Variants in FETUB observed in about 807,000 individuals in gnomAD.
The protein encoded by FETUB is fetuin-B.
A neutral mutation model predicts 30.9 loss-of-function variants in FETUB; 28 were observed. The observed-to-expected ratio is 0.90, with a 90% CI of 0.67 to 1.24. The LOEUF (loss-of-function observed/expected upper bound fraction) is 1.24. Among genes scored for constraint, FETUB ranks in the 50% most tolerant of loss-of-function variants. The probability of loss-of-function intolerance (pLI) is 0.00; values close to 1 mark genes in which losing one functional copy is unlikely to be tolerated. For missense variants in FETUB, 469 were observed against 455.3 expected (o/e 1.03, Z -0.27); for synonymous variants, 186 against 175.9 (o/e 1.06, Z -0.45).
At chr3:186,644,402 G>A (rs11711027) in intron 3 of FETUB, among the ~76,000 whole-genome samples, 11,975 of 152,176 alleles carry the variant, frequency 0.079, 708 homozygotes, top group African/African-American at 0.16. Flanking sequence ...AAGATATTGC[G>A]GTAATGAAAT....
At position 186,640,434 on chromosome 3, in the gene FETUB, C is replaced by T. The variant is rs753243067; in HGVS notation, c.-27C>T. The stretch of plus-strand genomic sequence containing the variant: ...CAGTCCCTGCAGCTCCACAAACTGA[C>T]CCATCCTGGGCCTTGTTCTCCACAG... On this transcript the variant is annotated 5_prime_UTR_variant, in exon 1 of 7. Coordinates refer to ENST00000265029, the MANE Select transcript of FETUB (RefSeq NM_014375.3). 1.5e-5 allele frequency: 23 copies of T among 1,579,776 alleles called. No individual in the cohort carries two copies. The highest frequency in any genetic ancestry group is 1.9e-5 in the Non-Finnish European group (22 of 1,149,228).
chr3:186,652,194 T>C (rs753873366), intron 6 of FETUB, 69 bp from the exon 7 acceptor site: 12 of 1,496,886 alleles, frequency 8.0e-6, no homozygotes, highest in Admixed American at 2.3e-5. Flanking sequence ...ACAGATCAGC[T>C]TAGGCTGGTA....
rs1342035611 is a variant in FETUB at position 186,642,531 on chromosome 3, G to A, written c.397G>A (p.Ala133Thr). The change falls in exon 3 of 7, where the codon GCT (alanine) becomes ACT (threonine). Residue 133 changes from alanine to threonine, a missense_variant. Transcript: ENST00000265029. ...CAACCCAAGTAGAGTTCTCTATTTA[G>A]CTGCTTATAACTGTACTCTTCGCCC... ...MNNPSRVLYLAAYNCTLRPVS... is the reference protein window; with the variant it reads ...MNNPSRVLYLTAYNCTLRPVS... The A allele has an allele frequency of 1.2e-6, 2 of 1,606,644 alleles. No individual in the cohort carries two copies. Among genetic ancestry groups the A allele is most frequent in the African/African-American group, 1.3e-5 (1 of 74,734 alleles).
intron 4 of FETUB, among the ~76,000 whole-genome samples, chr3:186,645,716 CAAATCT>C (rs1717451838): frequency 7.2e-6 from 1 of 138,576 alleles, no homozygotes; most frequent in South Asian, 2.3e-4. Flanking sequence ...AGGGCCCATT[CAAATCT>C]TTTTTTTTTT....
At chr3:186,642,631 A>C in intron 3 of FETUB, 73 bp downstream of exon 3, 3 of 862,002 alleles carry the variant, frequency 3.5e-6, no homozygotes, top group Non-Finnish European at 5.9e-6. Flanking sequence ...CTTTGCCAAG[A>C]ATGTATAGGG....
At chr3:186,642,614 A>G in intron 3 of FETUB, 56 bp downstream of exon 3, 1 of 1,074,558 alleles carries the variant, frequency 9.3e-7, no homozygotes, top group Non-Finnish European at 1.4e-6. Flanking sequence ...AGAGTACTTA[A>G]CCAGGTCTTT....
chr3:186,642,605 G>C (rs369829663), intron 3 of FETUB, 47 bp downstream of exon 3: 11 of 1,167,624 alleles, frequency 9.4e-6, no homozygotes, highest in South Asian at 1.2e-5. Context: ...GGATGGAAAA[G>C]AGTACTTAAC....
At chr3:186,646,625 C>T (rs975492097) in intron 5 of FETUB, among the ~76,000 whole-genome samples, 8 of 152,104 alleles carry the variant, frequency 5.3e-5, no homozygotes, top group East Asian at 1.9e-4. Context: ...AATCCAATTA[C>T]GTTTGTAATA....
chr3:186,645,721 CTTTTT>C, intron 4 of FETUB, among the ~76,000 whole-genome samples: 2 of 79,600 alleles, frequency 2.5e-5, no homozygotes, highest in Admixed American at 3.4e-4. Flanking sequence ...CCATTCAAAT[CTTTTT>C]TTTTTTTTTT....
chr3:186,647,804 G>T (rs1200823019), intron 5 of FETUB, among the ~76,000 whole-genome samples: 1 of 151,814 alleles, frequency 6.6e-6, no homozygotes, highest in Non-Finnish European at 1.5e-5. Context: ...TCACTTTCTT[G>T]ACAACGTTCT....
At chr3:186,640,963 T>C (rs1717000353) in intron 1 of FETUB, 67 bp from the exon 2 acceptor site, 8 of 1,034,512 alleles carry the variant, frequency 7.7e-6, no homozygotes, top group Middle Eastern at 2.1e-4. Flanking sequence ...CAGGGGTTTT[T>C]TTGTGTGGTC....
intron 5 of FETUB, among the ~76,000 whole-genome samples, chr3:186,650,504 T>C (rs2108545611): frequency 6.6e-6 from 1 of 152,272 alleles, no homozygotes; most frequent in African/African-American, 2.4e-5. Context: ...AGGAATACTA[T>C]GTAGCCATTA....
chr3:186,646,806 A>G (rs1294119403), intron 5 of FETUB, among the ~76,000 whole-genome samples: 1 of 152,250 alleles, frequency 6.6e-6, no homozygotes, highest in Non-Finnish European at 1.5e-5. Context: ...AAAATGCACC[A>G]AAATACTTTT....
Position 186,644,776 on chromosome 3 carries a change from G to A in FETUB, c.450G>A (p.Thr150=), listed in dbSNP as rs748222875. 10 of 1,603,572 alleles carry A rather than the reference G, an allele frequency of 6.2e-6. No individual in the cohort carries two copies. Among genetic ancestry groups the A allele is most frequent in the South Asian group, 2.3e-5 (2 of 88,782 alleles). ...RPVSKKKIYM[T]CPDCPSSIPT... is the part of the protein sequence containing the mutation. The stretch of plus-strand genomic sequence containing the variant: ...TTTCAAAAAAAAAGATTTACATGAC[G>A]TGCCCTGACTGCCCAAGCTCCATAC... Residue 150 remains threonine, a synonymous_variant, in exon 4 of 7, where the codon ACG becomes ACA. Coordinates refer to ENST00000265029, the MANE Select transcript of FETUB (RefSeq NM_014375.3).
At chr3:186,639,111 T>TG (rs1249382370), upstream of FETUB, among the ~76,000 whole-genome samples, 1 of 152,204 alleles carries the variant, frequency 6.6e-6, no homozygotes, top group Non-Finnish European at 1.5e-5. Flanking sequence ...GCTCATGGTT[T>TG]GGGGGGCTGG....
intron 3 of FETUB, among the ~76,000 whole-genome samples, chr3:186,643,118 C>A (rs770019062): frequency 6.6e-6 from 1 of 152,146 alleles, no homozygotes; most frequent in Non-Finnish European, 1.5e-5. Context: ...AAAATTTTGT[C>A]TAAACTACTC....
intron 5 of FETUB, chr3:186,646,994 A>G (rs1717597077): frequency 6.6e-6 from 1 of 152,352 alleles, no homozygotes; most frequent in East Asian, 1.9e-4. Context: ...ATGCCCACTA[A>G]CAGTCATTCC....
At chr3:186,638,574 G>T (rs1307322960), upstream of FETUB, among the ~76,000 whole-genome samples, 1 of 152,194 alleles carries the variant, frequency 6.6e-6, no homozygotes, top group Non-Finnish European at 1.5e-5. Context: ...CACAGCCTAG[G>T]AGAAGGCCAG....
rs139374439 is a variant in FETUB, at chr3:186,652,418, T to C, written c.936T>C (p.Asp312=). ...GSVQYLPDLD[D]KNSQEKGPQE... ...TCCAATATCTTCCTGACTTGGATGA[T>C]AAAAATTCCCAGGAAAAGGGCCCTC... The change falls in exon 7 of 7, where the codon GAT becomes GAC. Residue 312 remains aspartate (D), a synonymous_variant. Transcript: ENST00000265029. 1.9e-3 allele frequency: 3,141 copies of C among 1,611,128 alleles called. 59 individuals are homozygous for C. The African/African-American group carries it at 0.038, about 20-fold the overall frequency.
Sources: gnomAD v4.1 joint callset for allele counts (sites outside exome capture counted in the v4.1 genomes callset) on GRCh38, gnomAD v4.1.1 for gene constraint, MANE v1.5 for transcripts, NCBI Gene and HGNC (gene_info 2026-07-23, HGNC 2026-07-21) for gene names.